The following SFI1 variants were observed in gnomAD, a reference collection of about 807,000 sequenced individuals.
SFI1 encodes the protein SFI1 centrin binding protein.
In SFI1, 195 loss-of-function variants were observed where a neutral mutation model predicts 207.5. That is an observed-to-expected ratio of 0.94 (90% confidence interval 0.84 to 1.06). The LOEUF is 1.06. Among genes scored for constraint, SFI1 ranks in the 50% least tolerant of loss-of-function variants. The pLI is 0.00. For synonymous variants in SFI1, 630 were observed against 598.9 expected (o/e 1.05, Z -0.76); for missense variants, 1,634 against 1,588.0 (o/e 1.03, Z -0.49).
intron 7 of SFI1, among the ~76,000 whole-genome samples, chr22:31,560,963 A>G (rs1169315183): frequency 7.2e-5 from 11 of 152,118 alleles, no homozygotes; most frequent in Admixed American, 7.2e-4. Context: ...TCGGCCTCCC[A>G]AAGTGCTGTG....
intron 1 of SFI1, among the ~76,000 whole-genome samples, chr22:31,503,811 C>A (rs5753661): frequency 0.22 from 32,629 of 150,674 alleles, 4,483 homozygotes; most frequent in East Asian, 0.43. Context: ...CTGGTGGCGA[C>A]CTCCTGACCT....
chr22:31,570,323 G>T (rs1022246169), intron 8 of SFI1, among the ~76,000 whole-genome samples: 1 of 152,114 alleles, frequency 6.6e-6, no homozygotes, highest in Non-Finnish European at 1.5e-5. Context: ...AAGTTTTAGC[G>T]TCCAAGATGA....
chr22:31,546,974 C>G lies in SFI1; in HGVS notation c.449+3C>G. On this transcript the variant is annotated splice_donor_region_variant and intron_variant, in intron 5 of 32. Coordinates refer to ENST00000400288, the MANE Select transcript of SFI1 (RefSeq NM_001007467.3). The stretch of plus-strand genomic sequence containing the variant: ...GTTCGAGCTGACTGTCACTACAGGT[C>G]AGGTTTCATGTTACACTCCTTCAGT... 1 of 1,591,310 alleles carries G rather than the reference C, an allele frequency of 6.3e-7. No homozygotes were observed. Among genetic ancestry groups the G allele is most frequent in the Non-Finnish European group, 8.6e-7 (1 of 1,163,722 alleles).
intron 1 of SFI1, among the ~76,000 whole-genome samples, chr22:31,505,616 A>G (rs139358785): frequency 1.2e-4 from 18 of 150,990 alleles, no homozygotes; most frequent in African/African-American, 4.4e-4. Context: ...GTGAGACCCT[A>G]TCTCTACACA....
intron 6 of SFI1, among the ~76,000 whole-genome samples, chr22:31,554,843 C>G (rs543477889): frequency 9.2e-5 from 14 of 152,072 alleles, no homozygotes; most frequent in African/African-American, 3.1e-4. Context: ...CTATATTACA[C>G]GAATTTTAAT....
chr22:31,615,509 G>A lies in SFI1; in HGVS notation c.3300+230G>A, dbSNP rs115958494. The A allele has an allele frequency of 1.9e-3, 776 of 413,468 alleles. 5 individuals are homozygous for A. Among genetic ancestry groups the A allele is most frequent in the African/African-American group, 0.014 (704 of 48,960 alleles). The allele number at this position is 413,468 out of a possible 1,614,324, so 25.6% of individuals were successfully genotyped here. On this transcript the variant is annotated intron_variant, in intron 29 of 32. Transcript: ENST00000400288. ...AAGCTTATATTCTAGTCAGAGACAA[G>A]CAAAGAAAAACCCCTGCCTGCAGGC...
chr22:31,505,103 G>T lies in SFI1; in HGVS notation c.-30-3152G>T, dbSNP rs537417554. On this transcript the variant is annotated intron_variant, in intron 1 of 32. Coordinates refer to ENST00000400288, the MANE Select transcript of SFI1 (RefSeq NM_001007467.3). ...AAAAAACTATGCCATAATTTATTCA[G>T]TTCCTAATGAATATTTTTGATACAA... Among the ~76,000 whole-genome samples, 20 of 152,222 alleles carry T rather than the reference G, an allele frequency of 1.3e-4. 1 individual carries two copies. The South Asian group carries it at 3.9e-3, about 30-fold the overall frequency.
chr22:31,594,984 AATTT>A (rs890792462), intron 15 of SFI1, among the ~76,000 whole-genome samples: 25 of 151,524 alleles, frequency 1.6e-4, no homozygotes, highest in African/African-American at 2.2e-4. Flanking sequence ...AAATAATAAT[AATTT>A]ATTTATTTAT....
Position 31,613,334 on chromosome 22 carries a change from A to G in SFI1, c.2566-20A>G. ...CTCTAAGCAGGGAGACCTGGGCCTC[A>G]CCTCCTGCCCTCCCTGGAGGTGTGG... On this transcript the variant is annotated intron_variant, in intron 25 of 32. Coordinates refer to ENST00000400288, the MANE Select transcript of SFI1 (RefSeq NM_001007467.3). 3.1e-6 allele frequency: 5 copies of G among 1,602,834 alleles called. No individual in the cohort carries two copies. The highest frequency in any genetic ancestry group is 4.3e-6 in the Non-Finnish European group (5 of 1,172,856).
chr22:31,520,729 C>T (rs964946051), intron 2 of SFI1, among the ~76,000 whole-genome samples: 4 of 151,868 alleles, frequency 2.6e-5, no homozygotes, highest in Admixed American at 1.3e-4. Flanking sequence ...CATGGTGGCT[C>T]AGGCACTTAT....
At chr22:31,521,891 G>A (rs1424363823) in intron 2 of SFI1, among the ~76,000 whole-genome samples, 3 of 151,644 alleles carry the variant, frequency 2.0e-5, no homozygotes, top group African/African-American at 7.3e-5. Context: ...AGCCTCCCAA[G>A]TAGCTGGGTC....
intron 4 of SFI1, among the ~76,000 whole-genome samples, chr22:31,541,104 C>T (rs1288854887): frequency 6.6e-6 from 1 of 152,122 alleles, no homozygotes; most frequent in Non-Finnish European, 1.5e-5. Context: ...CATAGGCTTG[C>T]AAACAGTCCT....
chr22:31,532,224 T>C lies in SFI1; in HGVS notation c.338+1095T>C, dbSNP rs1174532721. Reference sequence around the variant, plus strand: ...GATTGGCTTGATCAAGTGCAGAACCTGGGGGAAAAAATTGGCTTTGGCAAA... The same window carrying C: ...GATTGGCTTGATCAAGTGCAGAACCCGGGGGAAAAAATTGGCTTTGGCAAA... On this transcript the variant is annotated intron_variant, in intron 4 of 32. Coordinates refer to ENST00000400288, the MANE Select transcript of SFI1 (RefSeq NM_001007467.3). Among the ~76,000 whole-genome samples, 7 of 152,234 alleles carry C rather than the reference T, an allele frequency of 4.6e-5. No individual in the cohort carries two copies. The East Asian group carries it at 1.2e-3, about 25-fold the overall frequency.
intron 3 of SFI1, chr22:31,530,596 T>A (rs763054584): frequency 2.1e-6 from 1 of 468,802 alleles, no homozygotes; most frequent in Non-Finnish European, 4.4e-6. Context: ...TTTCAGGGGC[T>A]CACAGTGCAG....
chr22:31,565,464 A>G (rs1400909306), intron 8 of SFI1, among the ~76,000 whole-genome samples: 2 of 151,682 alleles, frequency 1.3e-5, no homozygotes, highest in African/African-American at 4.8e-5. Context: ...TGGGAGGCCA[A>G]AATAAGAGGA....
At chr22:31,577,735 A>G (rs150389297) in intron 10 of SFI1, among the ~76,000 whole-genome samples, 4 of 152,282 alleles carry the variant, frequency 2.6e-5, no homozygotes, top group Middle Eastern at 3.4e-3. Context: ...AGTCTCTTAA[A>G]AAAGAAAAGA....
intron 15 of SFI1, 127 bp downstream of exon 15, chr22:31,589,704 G>T: frequency 1.1e-6 from 1 of 937,448 alleles, no homozygotes; most frequent in Non-Finnish European, 1.5e-6. Context: ...TGGATTTTCA[G>T]TAATGTGGGC....
intron 3 of SFI1, chr22:31,530,643 A>G (rs2058427850): frequency 2.1e-6 from 1 of 471,640 alleles, no homozygotes; most frequent in Non-Finnish European, 4.4e-6. Context: ...GATCTCTGTG[A>G]TATGGTGTCA....
intron 15 of SFI1, among the ~76,000 whole-genome samples, chr22:31,597,269 C>G (rs769445690): frequency 1.3e-5 from 2 of 152,192 alleles, no homozygotes; most frequent in African/African-American, 2.4e-5. Context: ...AGCTATCACT[C>G]TGGAGAAAAA....
Sources: gnomAD v4.1 joint callset for allele counts (sites outside exome capture counted in the v4.1 genomes callset) on GRCh38, gnomAD v4.1.1 for gene constraint, MANE v1.5 for transcripts, NCBI Gene and HGNC (gene_info 2026-07-23, HGNC 2026-07-21) for gene names.